The following HYDIN variants were observed in gnomAD, a reference collection of about 807,000 sequenced individuals.
The protein encoded by HYDIN is axonemal central pair apparatus protein HYDIN.
HYDIN carries 132 observed loss-of-function variants against 403.9 expected under a neutral mutation model. The ratio of observed to expected loss-of-function variants is 0.33; its 90% CI spans 0.28 to 0.38. The LOEUF (loss-of-function observed/expected upper bound fraction) is 0.38. Ranked by LOEUF, HYDIN falls within the 10% of genes least tolerant of loss-of-function variation. The probability of loss-of-function intolerance (pLI) is 1.00; values close to 1 mark genes in which losing one functional copy is unlikely to be tolerated. For missense variants in HYDIN, 2,827 were observed against 5,009.5 expected (o/e 0.56, Z 13.15); for synonymous variants, 1,202 against 1,891.7 (o/e 0.64, Z 9.46).
chr16:71,054,780 C>T (rs1597657504), intron 18 of HYDIN, among the ~76,000 whole-genome samples: 1 of 151,374 alleles, frequency 6.6e-6, no homozygotes, highest in Non-Finnish European at 1.5e-5. Flanking sequence ...GAATTTTAAA[C>T]TTCTACTAGC....
rs1220288133 is a variant in HYDIN, at chr16:70,860,760, A to G, written c.11919T>C (p.Ser3973=). The part of the protein sequence containing the change: ...HQRNPELRGS[S]GGALDPNTRV... The stretch of plus-strand genomic sequence containing the variant: ...GGGTGTTTGGATCCAGAGCTCCCCC[A>G]CTGGACCCTCGGAGCTCTGGGTTGC... The change falls in exon 70 of 86, where the codon AGT becomes AGC. Residue 3973 remains serine (S), a synonymous_variant. Coordinates refer to ENST00000393567, the MANE Select transcript of HYDIN (RefSeq NM_001270974.2). The G allele has an allele frequency of 1.7e-6, 1 of 587,866 alleles. No individual in the cohort carries two copies. Among genetic ancestry groups the G allele is most frequent in the Admixed American group, 2.7e-5 (1 of 36,882 alleles). The allele number at this position is 587,866 out of a possible 1,614,324, so 36.4% of individuals were successfully genotyped here. A position where few individuals can be genotyped will look rare whatever the true frequency, so the allele number is the denominator to read the frequency against.
At chr16:71,108,713 TAA>T (rs985829306) in intron 10 of HYDIN, among the ~76,000 whole-genome samples, 1 of 151,990 alleles carries the variant, frequency 6.6e-6, no homozygotes, top group East Asian at 1.9e-4. Flanking sequence ...ATTTGTCAAT[TAA>T]AAAAAAATTT....
At chr16:70,931,208 C>A (rs1277517735) in intron 45 of HYDIN, among the ~76,000 whole-genome samples, 3 of 78,280 alleles carry the variant, frequency 3.8e-5, no homozygotes, top group African/African-American at 4.0e-5. Context: ...TCTCTTTCTT[C>A]TGTTTTTTTT....
intron 78 of HYDIN, among the ~76,000 whole-genome samples, chr16:70,835,313 C>T (rs2037348952): frequency 6.6e-6 from 1 of 151,880 alleles, no homozygotes; most frequent in South Asian, 2.1e-4. Flanking sequence ...GTATCTTAAG[C>T]ACAGAGTCAT....
chr16:70,872,556 C>T (rs972740030), intron 64 of HYDIN, among the ~76,000 whole-genome samples: 4 of 150,464 alleles, frequency 2.7e-5, no homozygotes, highest in African/African-American at 9.8e-5. Context: ...ATCCACCATC[C>T]ACCCTCCCCC....
chr16:71,197,578 CAT>C (rs1448523282), intron 1 of HYDIN, among the ~76,000 whole-genome samples: 3 of 152,160 alleles, frequency 2.0e-5, no homozygotes, highest in Admixed American at 2.0e-4. Context: ...AAGTGCCTCA[CAT>C]AAAGAATTAT....
rs145066589 is a variant in HYDIN at position 71,108,496 on chromosome 16, T to C, written c.1327+7200A>G. On this transcript the variant is annotated intron_variant, in intron 10 of 85. Coordinates refer to ENST00000393567, the MANE Select transcript of HYDIN (RefSeq NM_001270974.2). Reference sequence around the variant, plus strand: ...ATTGATCTTGGTGGCAATAACATAGTGCTTGCCTTATAATTATTTGTTATA... The same window carrying C: ...ATTGATCTTGGTGGCAATAACATAGCGCTTGCCTTATAATTATTTGTTATA... 7.7e-3 allele frequency among the ~76,000 whole-genome samples: 1,167 copies of C among 152,258 alleles called. 47 individuals carry two copies. The highest frequency in any genetic ancestry group is 0.065 in the Admixed American group (987 of 15,292).
rs1345794561 is a variant in HYDIN at position 71,050,043 on chromosome 16, TGG to T, written c.2529+10459_2529+10460del. 6.7e-3 allele frequency among the ~76,000 whole-genome samples: 992 copies of T among 148,640 alleles called. 5 individuals carry two copies. The highest frequency in any genetic ancestry group is 0.023 in the African/African-American group (947 of 40,540). ...ACTGGTTGGGGTGTGTGTGTGTGTG[TGG>T]GTGTGTGTGTGTGTGTTTTCTTAAT... On this transcript the variant is annotated intron_variant, in intron 18 of 85. Coordinates refer to ENST00000393567, the MANE Select transcript of HYDIN (RefSeq NM_001270974.2).
At position 70,840,169 on chromosome 16, in the gene HYDIN, A is replaced by T; in HGVS notation, c.12938T>A (p.Phe4313Tyr). 1.1e-6 allele frequency: 1 copy of T among 941,664 alleles called. No individual in the cohort carries two copies. Among genetic ancestry groups the T allele is most frequent in the East Asian group, 2.5e-5 (1 of 39,684 alleles). 58.3% of individuals were successfully genotyped at this position (941,664 alleles called of 1,614,324 possible). A position where few individuals can be genotyped will look rare whatever the true frequency, so the allele number is the denominator to read the frequency against. ...CCCAAAGTTGTAGCTGGTGAAGGAGAAATGGATAGCCGGGCTCACAGCACA... is the reference window on the plus strand; with the variant it reads ...CCCAAAGTTGTAGCTGGTGAAGGAGTAATGGATAGCCGGGCTCACAGCACA... ...SGCAVSPAIH[F>Y]SFTSYNFGTC... The change falls in exon 76 of 86, where the codon TTC (phenylalanine) becomes TAC (tyrosine). Residue 4313 changes from phenylalanine (F) to tyrosine (Y), a missense_variant. Phe to Tyr is a conservative substitution (Grantham distance 22). Coordinates refer to ENST00000393567, the MANE Select transcript of HYDIN (RefSeq NM_001270974.2).
chr16:70,834,138 G>A lies in HYDIN; in HGVS notation c.13428C>T (p.Asn4476=), dbSNP rs768542841. ...AGACTTCTTTGGGCTTCAGTGTGAT[G>A]TTGTGGAAGGGCGCCAGGGTAAGGA... is the stretch of plus-strand genomic sequence containing the variant. The part of the protein sequence containing the change: ...PKVLTLAPFH[N]ITLKPKEVCK... The change falls in exon 79 of 86, where the codon AAC becomes AAT. Residue 4476 remains asparagine (N), a synonymous_variant. Transcript: ENST00000393567. The A allele has an allele frequency of 6.2e-7, 1 of 1,613,866 alleles. No homozygotes were observed. Among genetic ancestry groups the A allele is most frequent in the South Asian group, 1.1e-5 (1 of 91,072 alleles).
At chr16:70,961,360 G>A (rs1466101460) in intron 38 of HYDIN, among the ~76,000 whole-genome samples, 7 of 151,970 alleles carry the variant, frequency 4.6e-5, no homozygotes, top group Non-Finnish European at 1.0e-4. Flanking sequence ...GGCTATGAAT[G>A]ATGACTTAGC....
At chr16:71,036,347 G>T (rs1328623647) in intron 18 of HYDIN, among the ~76,000 whole-genome samples, 1 of 151,986 alleles carries the variant, frequency 6.6e-6, no homozygotes, top group African/African-American at 2.4e-5. Context: ...ACATAGCTTT[G>T]CTCATTTATG....
chr16:71,117,964 A>G (rs1222382068), intron 9 of HYDIN, among the ~76,000 whole-genome samples: 1 of 151,866 alleles, frequency 6.6e-6, no homozygotes, highest in Admixed American at 6.6e-5. Context: ...CAGGTATGAT[A>G]CCTCGGGCCA....
At chr16:71,181,855 C>CA (rs2086917448) in intron 3 of HYDIN, among the ~76,000 whole-genome samples, 2 of 151,888 alleles carry the variant, frequency 1.3e-5, no homozygotes, top group African/African-American at 2.4e-5. Flanking sequence ...AGCGATCATA[C>CA]AAAAAATATA....
At chr16:71,205,760 A>G (rs1429797343) in intron 1 of HYDIN, among the ~76,000 whole-genome samples, 1 of 152,150 alleles carries the variant, frequency 6.6e-6, no homozygotes, top group African/African-American at 2.4e-5. Context: ...TTTTTGCGTG[A>G]ACTCAGCTGG....
At position 70,804,557 on chromosome 16, in the gene HYDIN, T is replaced by C. The variant is rs1478849849; in HGVS notation, c.*3023A>G. ...TTTGGTGAATCAGCTTCTCGTGAGG[T>C]CCTTCAGATCAGCTGATGTCAGTTG... On this transcript the variant is annotated 3_prime_UTR_variant, in exon 86 of 86. Coordinates refer to ENST00000393567, the MANE Select transcript of HYDIN (RefSeq NM_001270974.2). Among the ~76,000 whole-genome samples the C allele has an allele frequency of 6.6e-6, 1 of 152,182 alleles. No individual in the cohort carries two copies. Among genetic ancestry groups the C allele is most frequent in the Non-Finnish European group, 1.5e-5 (1 of 68,048 alleles).
intron 5 of HYDIN, among the ~76,000 whole-genome samples, chr16:71,172,099 A>G (rs1229018530): frequency 6.6e-6 from 1 of 152,280 alleles, no homozygotes; most frequent in African/African-American, 2.4e-5. Context: ...ATTATTGTAT[A>G]CATAGATAAC....
Position 70,947,450 on chromosome 16 carries a change from T to G in HYDIN, c.6532-3501A>C, listed in dbSNP as rs556058020. On this transcript the variant is annotated intron_variant, in intron 41 of 85. Coordinates refer to ENST00000393567, the MANE Select transcript of HYDIN (RefSeq NM_001270974.2). ...TGCTGGATTCGGTTTGCCAGTATTT[T>G]ATTGAGGATTTTTGCATCAATGTTC... 2.4e-4 allele frequency among the ~76,000 whole-genome samples: 36 copies of G among 152,120 alleles called. 1 individual carries two copies. Among genetic ancestry groups the G allele is most frequent in the African/African-American group, 8.7e-4 (36 of 41,484 alleles).
intron 12 of HYDIN, among the ~76,000 whole-genome samples, chr16:71,081,377 GA>G (rs1568124876): frequency 6.6e-6 from 1 of 150,932 alleles, no homozygotes; most frequent in Non-Finnish European, 1.5e-5. Context: ...CTAACGATCT[GA>G]AGTGATTTTA....
Sources: gnomAD v4.1 joint callset for allele counts (sites outside exome capture counted in the v4.1 genomes callset) on GRCh38, gnomAD v4.1.1 for gene constraint, MANE v1.5 for transcripts, NCBI Gene and HGNC (gene_info 2026-07-23, HGNC 2026-07-21) for gene names.